Variants in HDAC9 observed in about 807,000 individuals in gnomAD.
HDAC9 encodes the protein histone deacetylase 9.
Under a neutral mutation model 139.4 loss-of-function variants are expected in HDAC9, and 41 were observed. The ratio of observed to expected loss-of-function variants is 0.29; its 90% CI spans 0.23 to 0.38. The LOEUF (loss-of-function observed/expected upper bound fraction) is 0.38, where lower values mean the gene tolerates loss of function less well. HDAC9 is among the 10% of genes least tolerant of loss of function. HDAC9 has a pLI of 1.00. For missense variants in HDAC9, 1,147 were observed against 1,297.0 expected, an observed-to-expected ratio of 0.88 and a Z score of 1.78; for synonymous variants, 517 against 476.2, an observed-to-expected ratio of 1.09 and a Z score of -1.12.
intron 1 of HDAC9, among the ~76,000 whole-genome samples, chr7:18,477,287 A>G: frequency 6.6e-6 from 1 of 152,222 alleles, no homozygotes; most frequent in East Asian, 1.9e-4. Flanking sequence ...TTAGGACAAT[A>G]ATAATAGCCT....
At position 18,940,020 on chromosome 7, in the gene HDAC9, G is replaced by A. The variant is rs180937986; in HGVS notation, c.2937+4078G>A. ...TTCATAAACATTTTGCCAGTTTTTT[G>A]AATGCTATTTCTTTCCCTTGTTGTT... On this transcript the variant is annotated intron_variant, in intron 23 of 25. Coordinates refer to ENST00000686413, the MANE Select transcript of HDAC9 (RefSeq NM_178425.4). Among the ~76,000 whole-genome samples the A allele has an allele frequency of 2.6e-5, 4 of 152,204 alleles. No homozygotes were observed. The East Asian group carries it at 7.7e-4, about 29-fold the overall frequency.
At chr7:18,634,043 G>A (rs1050522797) in intron 7 of HDAC9, among the ~76,000 whole-genome samples, 1 of 152,078 alleles carries the variant, frequency 6.6e-6, no homozygotes, top group Non-Finnish European at 1.5e-5. Context: ...TAGAGTTAAA[G>A]TCAGATGGTC....
intron 22 of HDAC9, among the ~76,000 whole-genome samples, chr7:18,926,167 A>T (rs1804209414): frequency 1.3e-5 from 2 of 152,126 alleles, no homozygotes; most frequent in African/African-American, 4.8e-5. Flanking sequence ...TGGGCAACAT[A>T]GTAAGACCCT....
intron 2 of HDAC9, among the ~76,000 whole-genome samples, chr7:18,163,061 C>A (rs1414615281): frequency 6.6e-6 from 1 of 152,124 alleles, no homozygotes; most frequent in African/African-American, 2.4e-5. Flanking sequence ...GCATTTATTT[C>A]TTTATAGATT....
intron 1 of HDAC9, among the ~76,000 whole-genome samples, chr7:18,139,525 C>G (rs973093091): frequency 6.6e-6 from 1 of 151,894 alleles, no homozygotes; most frequent in East Asian, 1.9e-4. Context: ...TCCTTTTTTC[C>G]GTGTCAGGGA....
chr7:18,279,037 A>G (rs74832205), intron 2 of HDAC9, among the ~76,000 whole-genome samples: 17,524 of 152,240 alleles, frequency 0.12, 1,383 homozygotes, highest in Middle Eastern at 0.21. Context: ...TTAGAAAGAT[A>G]TCGGACCAAT....
At chr7:18,190,237 G>A (rs780624759) in intron 2 of HDAC9, among the ~76,000 whole-genome samples, 1 of 152,026 alleles carries the variant, frequency 6.6e-6, no homozygotes, top group African/African-American at 2.4e-5. Context: ...GAGCCACCAC[G>A]CCCGGCCATA....
chr7:18,463,136 T>G (rs1389924829), intron 1 of HDAC9, among the ~76,000 whole-genome samples: 2 of 152,038 alleles, frequency 1.3e-5, no homozygotes, highest in Admixed American at 6.6e-5. Flanking sequence ...CATCCTTAAC[T>G]TATTTCTGGA....
intron 1 of HDAC9, among the ~76,000 whole-genome samples, chr7:18,359,685 T>C (rs1262572489): frequency 6.6e-6 from 1 of 152,164 alleles, no homozygotes. Context: ...CTCAGCTCAC[T>C]GTAACCTCTG....
chr7:18,900,490 T>A (rs899167352), intron 22 of HDAC9, among the ~76,000 whole-genome samples: 1 of 152,128 alleles, frequency 6.6e-6, no homozygotes, highest in Non-Finnish European at 1.5e-5. Context: ...CCTGCTATAT[T>A]AAGGGTTATT....
chr7:18,790,919 C>T (rs905787908), intron 16 of HDAC9, among the ~76,000 whole-genome samples: 5 of 152,092 alleles, frequency 3.3e-5, no homozygotes, highest in African/African-American at 9.7e-5. Flanking sequence ...AACCCCCACC[C>T]GGCAACTCAC....
intron 1 of HDAC9, among the ~76,000 whole-genome samples, chr7:18,432,431 C>T (rs1446604182): frequency 1.3e-5 from 2 of 152,184 alleles, no homozygotes; most frequent in Non-Finnish European, 2.9e-5. Flanking sequence ...AGACAGTCAA[C>T]AAATGTTGAA....
At chr7:18,098,275 T>A (rs1782637830) in intron 1 of HDAC9, among the ~76,000 whole-genome samples, 1 of 152,234 alleles carries the variant, frequency 6.6e-6, no homozygotes, top group Non-Finnish European at 1.5e-5. Context: ...TCTAAGTTAT[T>A]GTACATATAT....
chr7:18,990,297 G>A (rs1474079471), intron 25 of HDAC9, among the ~76,000 whole-genome samples: 1 of 152,180 alleles, frequency 6.6e-6, no homozygotes, highest in East Asian at 1.9e-4. Flanking sequence ...GTCTGTTGGA[G>A]TACCTGGCCA....
rs150456442 is a variant in HDAC9, at chr7:18,172,897, C to T, written c.25+10548C>T. ...TGTGTGGTCAGTTTTGGAGTAAGTG[C>T]GATGTGGTGTTGAGAAGAATGTATA... On this transcript the variant is annotated intron_variant, in intron 2 of 12. Transcript: ENST00000417496. 1.3e-3 allele frequency among the ~76,000 whole-genome samples: 199 copies of T among 152,150 alleles called. 2 individuals carry two copies. The East Asian group carries it at 0.032, about 25-fold the overall frequency.
At chr7:18,151,110 C>G (rs1786747753) in intron 1 of HDAC9, among the ~76,000 whole-genome samples, 1 of 151,964 alleles carries the variant, frequency 6.6e-6, no homozygotes, top group Admixed American at 6.6e-5. Context: ...AAGGCTGTAT[C>G]TCTTCCCCTA....
chr7:18,275,864 A>T (rs1441524259), intron 2 of HDAC9, among the ~76,000 whole-genome samples: 2 of 152,026 alleles, frequency 1.3e-5, no homozygotes, highest in African/African-American at 4.8e-5. Flanking sequence ...CCTGTCATTT[A>T]CCTCTGTTTA....
intron 1 of HDAC9, among the ~76,000 whole-genome samples, chr7:18,140,438 C>T (rs879886875): frequency 7.9e-5 from 12 of 152,160 alleles, no homozygotes; most frequent in Admixed American, 5.2e-4. Context: ...TTCCACCGAA[C>T]TTTAAAAAAG....
At chr7:18,747,098 C>T (rs893832503) in intron 13 of HDAC9, among the ~76,000 whole-genome samples, 5 of 151,980 alleles carry the variant, frequency 3.3e-5, no homozygotes, top group African/African-American at 1.2e-4. Flanking sequence ...GGATTTTGAT[C>T]TTTTTGAGGA....
Sources: gnomAD v4.1 joint callset for allele counts (sites outside exome capture counted in the v4.1 genomes callset) on GRCh38, gnomAD v4.1.1 for gene constraint, MANE v1.5 for transcripts, NCBI Gene and HGNC (gene_info 2026-07-23, HGNC 2026-07-21) for gene names.